FNIP2: variants seen among roughly 807,000 people sequenced by gnomAD.
FNIP2 encodes the protein folliculin interacting protein 2.
A neutral mutation model predicts 108.7 loss-of-function variants in FNIP2; 32 were observed. That is an observed-to-expected ratio of 0.29 (90% CI 0.22 to 0.40). The LOEUF (loss-of-function observed/expected upper bound fraction) is 0.40. Ranked by LOEUF, FNIP2 falls within the 10% of genes least tolerant of loss-of-function variation. The pLI, the probability that FNIP2 is intolerant of heterozygous loss-of-function variation, is 1.00. For synonymous variants in FNIP2, 480 were observed against 496.7 expected (o/e 0.97, Z 0.45); for missense variants, 1,202 against 1,381.6 (o/e 0.87, Z 2.06).
chr4:158,865,771 A>T (rs1487250295), intron 12 of FNIP2, among the ~76,000 whole-genome samples: 1 of 152,202 alleles, frequency 6.6e-6, no homozygotes, highest in Non-Finnish European at 1.5e-5. Flanking sequence ...GTTTTCTCAA[A>T]CAAAAGTCCT....
chr4:158,827,614 A>G (rs1411653178), intron 2 of FNIP2, among the ~76,000 whole-genome samples: 1 of 152,178 alleles, frequency 6.6e-6, no homozygotes, highest in African/African-American at 2.4e-5. Context: ...AGCAGTCTGA[A>G]GCAGTGGCAC....
chr4:158,816,501 G>A (rs1188016563), intron 1 of FNIP2, among the ~76,000 whole-genome samples: 2 of 152,076 alleles, frequency 1.3e-5, no homozygotes, highest in Non-Finnish European at 2.9e-5. Context: ...GAATTAGCTC[G>A]GCCAGGCGCA....
rs1234711046 is a variant in FNIP2 at position 158,840,081 on chromosome 4, A to G, written c.727+4605A>G. ...GAGAAGAGGGTTGGGTGTCAGCCATACTAGGAGGTTGCATCAGCAAAGTTC... is the reference window on the plus strand; with the variant it reads ...GAGAAGAGGGTTGGGTGTCAGCCATGCTAGGAGGTTGCATCAGCAAAGTTC... On this transcript the variant is annotated intron_variant, in intron 7 of 16. Transcript: ENST00000264433. Among the ~76,000 whole-genome samples the G allele has an allele frequency of 2.6e-5, 4 of 152,210 alleles. No homozygotes were observed. In the East Asian group the frequency reaches 7.7e-4, roughly 29 times the overall value.
At chr4:158,881,132 G>T (rs1185023534) in intron 14 of FNIP2, among the ~76,000 whole-genome samples, 1 of 152,106 alleles carries the variant, frequency 6.6e-6, no homozygotes, top group Non-Finnish European at 1.5e-5. Flanking sequence ...TATATAAAAT[G>T]AATAACAAAT....
intron 3 of FNIP2, among the ~76,000 whole-genome samples, chr4:158,831,193 T>C (rs1216267649): frequency 1.3e-5 from 2 of 152,124 alleles, no homozygotes; most frequent in Non-Finnish European, 2.9e-5. Context: ...GAGGTCATCA[T>C]TGGAGCAGTT....
intron 9 of FNIP2, 108 bp downstream of exon 9, chr4:158,859,366 C>T (rs1421942195): frequency 8.0e-7 from 1 of 1,257,160 alleles, no homozygotes; most frequent in East Asian, 2.5e-5. Context: ...GAAGTTAAAT[C>T]ACCTGTAGCA....
intron 14 of FNIP2, among the ~76,000 whole-genome samples, chr4:158,882,879 T>C (rs1488769006): frequency 6.6e-6 from 1 of 152,180 alleles, no homozygotes; most frequent in African/African-American, 2.4e-5. Flanking sequence ...CAGGGTCTTC[T>C]GCCTAGGAAA....
At chr4:158,879,209 T>C (rs1781450433) in intron 14 of FNIP2, among the ~76,000 whole-genome samples, 1 of 150,510 alleles carries the variant, frequency 6.6e-6, no homozygotes, top group Non-Finnish European at 1.5e-5. Flanking sequence ...AATTCACACT[T>C]AACAACTGGA....
intron 1 of FNIP2, among the ~76,000 whole-genome samples, chr4:158,810,439 C>T (rs1229015637): frequency 3.9e-5 from 6 of 152,252 alleles, no homozygotes; most frequent in South Asian, 2.1e-4. Context: ...CTGATTTTTA[C>T]GTACCATGAG....
chr4:158,805,615 C>T (rs189714372), intron 1 of FNIP2, among the ~76,000 whole-genome samples: 3 of 152,308 alleles, frequency 2.0e-5, no homozygotes, highest in Non-Finnish European at 4.4e-5. Context: ...CTACATTTGG[C>T]TGTTGTGGGT....
At chr4:158,770,642 A>G (rs754453808) in intron 1 of FNIP2, among the ~76,000 whole-genome samples, 3 of 152,188 alleles carry the variant, frequency 2.0e-5, no homozygotes, top group Non-Finnish European at 2.9e-5. Flanking sequence ...TCTTTAGGCT[A>G]ACAAGCCTTA....
chr4:158,866,786 A>G (rs898990049), intron 12 of FNIP2, among the ~76,000 whole-genome samples: 7 of 152,136 alleles, frequency 4.6e-5, no homozygotes, highest in Non-Finnish European at 7.4e-5. Flanking sequence ...CATGTTGGCC[A>G]GGCTGGTCTC....
intron 14 of FNIP2, chr4:158,871,488 G>A (rs886597747): frequency 5.1e-6 from 5 of 985,156 alleles, no homozygotes; most frequent in Non-Finnish European, 6.0e-6. Context: ...CAAACATCAG[G>A]CACAGGCTAA....
At position 158,859,100 on chromosome 4, in the gene FNIP2, T is replaced by C. The variant is rs148251675; in HGVS notation, c.901T>C (p.Ser301Pro). The C allele has an allele frequency of 0.023, 36,546 of 1,613,988 alleles. 484 individuals carry two copies. Among genetic ancestry groups the C allele is most frequent in the Non-Finnish European group, 0.028 (32,462 of 1,179,856 alleles). The change falls in exon 9 of 17, where the codon TCT becomes CCT. Residue 301 changes from serine to proline, a missense_variant. This residue lies in a region of FNIP2 where 878 missense variants were observed against 990.3 expected (regional missense o/e 0.89). Transcript: ENST00000264433. ...TFSLAEETCS[S>P]NPAMVRRKKI... The stretch of plus-strand genomic sequence containing the variant: ...CAGCTTGGCTGAAGAAACCTGTAGC[T>C]CTAATCCAGCTATGGTTAGGAGGAA...
At chr4:158,839,546 T>A (rs895274151) in intron 7 of FNIP2, among the ~76,000 whole-genome samples, 1 of 151,944 alleles carries the variant, frequency 6.6e-6, no homozygotes, top group Non-Finnish European at 1.5e-5. Flanking sequence ...TTTTTTCTTT[T>A]ATGTAGAAAC....
chr4:158,904,523 T>G lies in FNIP2; in HGVS notation c.3324T>G (p.Tyr1108Ter), dbSNP rs773004446. ...LTAIASTHSP[Y>*]VAQILL ...CTATTGCCAGTACTCATTCTCCTTA[T>G]GTGGCTCAAATACTCTTATAAGCTA... The change falls in exon 17 of 17, where the codon TAT becomes TAG. Residue 1108 changes from tyrosine (Y) to a stop codon, truncating the protein, a stop_gained. Transcript: ENST00000264433. LOFTEE classifies it high-confidence loss of function. 1.2e-6 allele frequency: 2 copies of G among 1,613,246 alleles called. No individual in the cohort carries two copies. Among genetic ancestry groups the G allele is most frequent in the South Asian group, 2.2e-5 (2 of 91,078 alleles).
chr4:158,796,105 G>C (rs1776583225), intron 1 of FNIP2: 1 of 152,126 alleles, frequency 6.6e-6, no homozygotes, highest in African/African-American at 2.4e-5. Context: ...TCCTTCAGAG[G>C]CATTGTTTAT....
At position 158,798,453 on chromosome 4, in the gene FNIP2, A is replaced by G. The variant is rs190215876; in HGVS notation, c.108-27463A>G. ...GTTTCCCTCCCACTGAATATTCCCTATTGCTTACCCTTCCCCTGCTTCATC... is the reference window on the plus strand; with the variant it reads ...GTTTCCCTCCCACTGAATATTCCCTGTTGCTTACCCTTCCCCTGCTTCATC... On this transcript the variant is annotated intron_variant, in intron 1 of 16. Coordinates refer to ENST00000264433, the MANE Select transcript of FNIP2 (RefSeq NM_020840.3). 3.4e-3 allele frequency among the ~76,000 whole-genome samples: 516 copies of G among 152,182 alleles called. 9 individuals are homozygous for G. The highest frequency in any genetic ancestry group is 1.7e-3 in the East Asian group (9 of 5,186).
intron 8 of FNIP2, among the ~76,000 whole-genome samples, chr4:158,855,344 G>A (rs1779923658): frequency 6.6e-6 from 1 of 152,234 alleles, no homozygotes; most frequent in Non-Finnish European, 1.5e-5. Context: ...GGGGGACGCT[G>A]TGCGTGTGGG....
Sources: gnomAD v4.1 joint callset for allele counts (sites outside exome capture counted in the v4.1 genomes callset) on GRCh38, gnomAD v4.1.1 for gene constraint, gnomAD v4.1.1 regional missense constraint, MANE v1.5 for transcripts, NCBI Gene and HGNC (gene_info 2026-07-23, HGNC 2026-07-21) for gene names.